Variants in CFAP299 observed in about 807,000 individuals in gnomAD.
The protein encoded by CFAP299 is cilia- and flagella-associated protein 299.
In CFAP299, 21 loss-of-function variants were observed where a neutral mutation model predicts 27.0. The observed-to-expected ratio is 0.78, with a 90% CI of 0.55 to 1.12. The LOEUF (loss-of-function observed/expected upper bound fraction) is 1.12, where lower values mean the gene tolerates loss of function less well. Among genes scored for constraint, CFAP299 ranks in the 50% most tolerant of loss-of-function variants. The pLI is 0.00. For synonymous variants in CFAP299, 104 were observed against 98.1 expected (o/e 1.06, Z -0.36); for missense variants, 310 against 276.6 (o/e 1.12, Z -0.86).
intron 4 of CFAP299, among the ~76,000 whole-genome samples, chr4:80,942,797 G>A (rs568721873): frequency 6.6e-6 from 1 of 152,098 alleles, no homozygotes; most frequent in Non-Finnish European, 1.5e-5. Flanking sequence ...AATTATTGAA[G>A]GAGAATATAT....
At chr4:80,489,115 T>A (rs940185568) in intron 2 of CFAP299, among the ~76,000 whole-genome samples, 7 of 149,884 alleles carry the variant, frequency 4.7e-5, no homozygotes, top group Non-Finnish European at 7.4e-5. Context: ...CTCTCTGAAT[T>A]TTTTTTTCTA....
chr4:80,526,520 TAAG>T (rs1733183735), intron 2 of CFAP299, among the ~76,000 whole-genome samples: 1 of 152,106 alleles, frequency 6.6e-6, no homozygotes, highest in Non-Finnish European at 1.5e-5. Flanking sequence ...TCTTAACAAT[TAAG>T]AAGTAAAACC....
At chr4:80,702,610 T>A (rs997571651) in intron 3 of CFAP299, among the ~76,000 whole-genome samples, 1 of 151,858 alleles carries the variant, frequency 6.6e-6, no homozygotes, top group Non-Finnish European at 1.5e-5. Context: ...AATTCCGAAA[T>A]TTTATTGAAT....
chr4:80,700,679 G>A (rs539715720), intron 3 of CFAP299, among the ~76,000 whole-genome samples: 4 of 152,124 alleles, frequency 2.6e-5, no homozygotes, highest in African/African-American at 9.6e-5. Context: ...GTGAGACTAT[G>A]GGGATAGGAT....
chr4:80,426,390 G>A (rs1298029097), intron 2 of CFAP299, among the ~76,000 whole-genome samples: 1 of 151,968 alleles, frequency 6.6e-6, no homozygotes, highest in Non-Finnish European at 1.5e-5. Context: ...AGTTTTCTAA[G>A]AATTTCTAAA....
intron 2 of CFAP299, among the ~76,000 whole-genome samples, chr4:80,520,140 T>C (rs1266693046): frequency 6.6e-6 from 1 of 152,204 alleles, no homozygotes; most frequent in Non-Finnish European, 1.5e-5. Context: ...TTTCCATTTG[T>C]TCTTTATTTA....
intron 3 of CFAP299, among the ~76,000 whole-genome samples, chr4:80,704,080 A>G (rs1238590134): frequency 2.0e-5 from 3 of 151,702 alleles, no homozygotes; most frequent in African/African-American, 4.8e-5. Context: ...AGAAGATTGT[A>G]TCATCTGGGA....
intron 3 of CFAP299, among the ~76,000 whole-genome samples, chr4:80,774,719 G>T (rs1223892111): frequency 1.3e-5 from 2 of 151,972 alleles, no homozygotes; most frequent in Admixed American, 6.6e-5. Context: ...TGTGAAATCA[G>T]CATTCACATA....
intron 3 of CFAP299, among the ~76,000 whole-genome samples, chr4:80,652,208 A>G (rs1227362463): frequency 1.3e-5 from 2 of 152,144 alleles, no homozygotes; most frequent in Admixed American, 6.6e-5. Context: ...TAATGTTGCC[A>G]GAATATTTCA....
rs139179783 is a variant in CFAP299, at chr4:80,431,556, CCTT to C, written c.242+68678_242+68680del. ...CTTCTCTTCTTTCCCTTCCCCTTCTCCTTCTTCTCCTTTTATTTTTCTTAAGAA... is the reference window on the plus strand; with the variant it reads ...CTTCTCTTCTTTCCCTTCCCCTTCTCCTTCTCCTTTTATTTTTCTTAAGAA... On this transcript the variant is annotated intron_variant, in intron 2 of 5. Coordinates refer to ENST00000358105, the MANE Select transcript of CFAP299 (RefSeq NM_152770.3). Among the ~76,000 whole-genome samples, 680 of 152,064 alleles carry C rather than the reference CCTT, an allele frequency of 4.5e-3. 3 individuals are homozygous for C. The highest frequency in any genetic ancestry group is 0.015 in the African/African-American group (641 of 41,466).
intron 2 of CFAP299, among the ~76,000 whole-genome samples, chr4:80,394,997 T>A (rs1169698278): frequency 6.6e-6 from 1 of 152,112 alleles, no homozygotes; most frequent in East Asian, 1.9e-4. Flanking sequence ...TGTATAGAAT[T>A]TGTGGATTAA....
intron 3 of CFAP299, among the ~76,000 whole-genome samples, chr4:80,786,862 T>C (rs1372578649): frequency 2.6e-5 from 4 of 152,056 alleles, no homozygotes; most frequent in African/African-American, 9.7e-5. Flanking sequence ...TGGATGACAA[T>C]TTATGTAACT....
At chr4:80,361,291 C>T (rs1380662123) in intron 1 of CFAP299, among the ~76,000 whole-genome samples, 7 of 152,150 alleles carry the variant, frequency 4.6e-5, no homozygotes, top group Non-Finnish European at 7.4e-5. Context: ...ATAAATATAG[C>T]AAATTGTAAG....
At chr4:80,330,458 A>C in the CFAP299 span, among the ~76,000 whole-genome samples, 5 of 152,118 alleles carry the variant, frequency 3.3e-5, no homozygotes, top group Middle Eastern at 6.8e-3. Flanking sequence ...CTGCACTTTA[A>C]ATAAATTTCT....
At chr4:80,409,050 A>AAAAAAAGAGAG (rs899527410) in intron 2 of CFAP299, among the ~76,000 whole-genome samples, 1 of 151,290 alleles carries the variant, frequency 6.6e-6, no homozygotes, top group Non-Finnish European at 1.5e-5. Context: ...AAAAAAAAAA[A>AAAAAAAGAGAG]AAAGAGAGAA....
intron 3 of CFAP299, among the ~76,000 whole-genome samples, chr4:80,677,175 A>AAAT (rs2110000811): frequency 6.6e-6 from 1 of 152,084 alleles, no homozygotes; most frequent in South Asian, 2.1e-4. Flanking sequence ...AGAATATTTT[A>AAAT]AAATTTTCTT....
rs146954507 is a variant in CFAP299 at position 80,870,132 on chromosome 4, T to G, written c.473T>G (p.Ile158Arg). ...KKRLLPRPTD[I>R]SFYNWDADIA... ...AGACTTCTTCCAAGGCCTACAGATA[T>G]AAGGTAAATTACATACAATTTTTGC... The change falls in exon 4 of 6, where the codon ATA (isoleucine) becomes AGA (arginine). Residue 158 changes from isoleucine (I) to arginine (R), a missense_variant. Transcript: ENST00000358105. The G allele has an allele frequency of 1.2e-6, 2 of 1,601,048 alleles. No individual in the cohort carries two copies. The highest frequency in any genetic ancestry group is 2.7e-5 in the African/African-American group (2 of 73,968).
intron 3 of CFAP299, among the ~76,000 whole-genome samples, chr4:80,640,534 T>G (rs1739673811): frequency 6.6e-6 from 1 of 152,154 alleles, no homozygotes; most frequent in Admixed American, 6.5e-5. Context: ...CAGTGGTTAG[T>G]TAGTACCAGC....
At position 80,390,835 on chromosome 4, in the gene CFAP299, A is replaced by G. The variant is rs1161572890; in HGVS notation, c.242+27951A>G. Among the ~76,000 whole-genome samples the G allele has an allele frequency of 2.7e-5, 4 of 145,646 alleles. No homozygotes were observed. The East Asian group carries it at 6.0e-4, about 22-fold the overall frequency. ...TACACACATATATGTATATGTATAT[A>G]TGTATATACACATATATGTATATGT... On this transcript the variant is annotated intron_variant, in intron 2 of 5. Coordinates refer to ENST00000358105, the MANE Select transcript of CFAP299 (RefSeq NM_152770.3).
Sources: allele counts gnomAD v4.1 joint callset (sites outside exome capture counted in the v4.1 genomes callset), GRCh38; gene constraint gnomAD v4.1.1; transcripts MANE v1.5; gene names NCBI Gene and HGNC (gene_info 2026-07-23, HGNC 2026-07-21).